Variants in TUBGCP4 observed in about 807,000 individuals in gnomAD.
The protein encoded by TUBGCP4 is tubulin gamma complex component 4.
TUBGCP4 carries 54 observed loss-of-function variants against 91.6 expected under a neutral mutation model. The observed-to-expected ratio is 0.59, with a 90% confidence interval of 0.47 to 0.74. The LOEUF is 0.74. Ranked by LOEUF, TUBGCP4 falls within the 30% of genes least tolerant of loss-of-function variation. The pLI is 0.00. For synonymous variants in TUBGCP4, 297 were observed against 302.8 expected, an observed-to-expected ratio of 0.98 and a Z score of 0.20; for missense variants, 593 against 800.9, an observed-to-expected ratio of 0.74 and a Z score of 3.13.
rs140669258 is a variant in TUBGCP4 at position 43,390,966 on chromosome 15, C to G, written c.1015-4141C>G. On this transcript the variant is annotated intron_variant, in intron 9 of 17. Transcript: ENST00000564079. ...AAGTAGCTGGGACTAGAGGTGCATG[C>G]CACCATGCCCAGCTAATTCTTTTCT... Among the ~76,000 whole-genome samples the G allele has an allele frequency of 4.0e-3, 613 of 152,210 alleles. 5 individuals are homozygous for G. Among genetic ancestry groups the G allele is most frequent in the African/African-American group, 0.014 (579 of 41,548 alleles).
chr15:43,395,044 C>A, intron 9 of TUBGCP4, 63 bp from the exon 10 acceptor site: 2 of 1,553,940 alleles, frequency 1.3e-6, no homozygotes, highest in South Asian at 2.2e-5. Context: ...TGTATGGAAC[C>A]ATTCTTTGCA....
At chr15:43,376,818 T>C (rs1405770225) in intron 3 of TUBGCP4, among the ~76,000 whole-genome samples, 193 bp downstream of exon 3, 1 of 152,224 alleles carries the variant, frequency 6.6e-6, no homozygotes, top group Admixed American at 6.5e-5. Flanking sequence ...AAAGACTCTT[T>C]AGTGAGTTTA....
At chr15:43,395,990 T>G (rs926876685) in intron 11 of TUBGCP4, among the ~76,000 whole-genome samples, 33 of 152,166 alleles carry the variant, frequency 2.2e-4, no homozygotes, top group African/African-American at 6.5e-4. Flanking sequence ...CTGCTTGTAG[T>G]TTTGCAGTAG....
At chr15:43,388,159 T>C (rs975325416) in intron 9 of TUBGCP4, among the ~76,000 whole-genome samples, 15 of 152,164 alleles carry the variant, frequency 9.9e-5, no homozygotes, top group Non-Finnish European at 1.8e-4. Context: ...CAGGTACTTC[T>C]ATTTAAGCAA....
intron 5 of TUBGCP4, among the ~76,000 whole-genome samples, chr15:43,379,030 G>A (rs575176861): frequency 1.3e-5 from 2 of 152,342 alleles, no homozygotes; most frequent in East Asian, 1.9e-4. Context: ...TTCAACTTCC[G>A]CTGGCTATAG....
intron 7 of TUBGCP4, 145 bp from the exon 8 acceptor site, chr15:43,385,646 G>A (rs2044344847): frequency 1.4e-6 from 1 of 734,802 alleles, no homozygotes; most frequent in Admixed American, 2.8e-5. Context: ...TCTCCAAAAT[G>A]GGTGGTTTGA....
intron 9 of TUBGCP4, among the ~76,000 whole-genome samples, chr15:43,390,001 A>C (rs1285969080): frequency 2.0e-5 from 3 of 152,088 alleles, no homozygotes; most frequent in Non-Finnish European, 2.9e-5. Context: ...CCCATGATTC[A>C]ATCACCTCCC....
intron 9 of TUBGCP4, chr15:43,394,822 T>A (rs1242024815): frequency 2.3e-6 from 1 of 429,958 alleles, no homozygotes; most frequent in Non-Finnish European, 4.3e-6. Flanking sequence ...TGATTGTAAG[T>A]TTCCTGAGGC....
rs558244670 is a variant in TUBGCP4, at chr15:43,371,551, C to T, written c.78+119C>T. On this transcript the variant is annotated intron_variant, in intron 1 of 17. Transcript: ENST00000564079. Reference sequence around the variant, plus strand: ...GGGCTTCCAGGGCTGGGGGCGTATCCCTGGACAGGTGACTGGAGGGCAGCC... The same window carrying T: ...GGGCTTCCAGGGCTGGGGGCGTATCTCTGGACAGGTGACTGGAGGGCAGCC... The T allele has an allele frequency of 2.4e-5, 24 of 997,116 alleles. No homozygotes were observed. In the African/African-American group the frequency reaches 3.3e-4, roughly 14 times the overall value. 61.8% of individuals were successfully genotyped at this position (997,116 alleles called of 1,614,324 possible).
At chr15:43,389,468 T>A (rs2044432587) in intron 9 of TUBGCP4, among the ~76,000 whole-genome samples, 1 of 152,130 alleles carries the variant, frequency 6.6e-6, no homozygotes. Flanking sequence ...CAGGTGGTCC[T>A]TCTGTGAGCC....
intron 1 of TUBGCP4, among the ~76,000 whole-genome samples, chr15:43,374,870 G>A (rs967414175): frequency 6.6e-6 from 1 of 152,220 alleles, no homozygotes; most frequent in African/African-American, 2.4e-5. Context: ...CAACATGGAT[G>A]AGCTGAAATA....
Position 43,409,691 on chromosome 15 carries a change from G to A in TUBGCP4, c.*4477G>A, listed in dbSNP as rs2045047497. The A allele has an allele frequency of 6.3e-7, 1 of 1,575,296 alleles. No individual in the cohort carries two copies. Among genetic ancestry groups the A allele is most frequent in the African/African-American group, 1.4e-5 (1 of 72,414 alleles). On this transcript the variant is annotated 3_prime_UTR_variant, in exon 18 of 18. Coordinates refer to ENST00000564079, the MANE Select transcript of TUBGCP4 (RefSeq NM_014444.5). ...TCAAGGATATAGCCAGCTCCTGCTC[G>A]AAGCTGGGATTCTGTATACTGCTTG...
rs768246847 is a variant in TUBGCP4 at position 43,400,160 on chromosome 15, T to C, written c.1535T>C (p.Ile512Thr). 9 of 1,614,008 alleles carry C rather than the reference T, an allele frequency of 5.6e-6. No homozygotes were observed. The highest frequency in any genetic ancestry group is 7.6e-6 in the Non-Finnish European group (9 of 1,180,042). The change falls in exon 14 of 18, where the codon ATC (isoleucine) becomes ACC (threonine). Residue 512 changes from isoleucine (I) to threonine (T), a missense_variant. Ile to Thr is a moderately conservative substitution (Grantham distance 89). Coordinates refer to ENST00000564079, the MANE Select transcript of TUBGCP4 (RefSeq NM_014444.5). ...CTCAAGTCGAACCAGACTGATGCAA[T>C]CAAGTGGCGCCTAAGAAATCACATG... ...KHLKSNQTDA[I>T]KWRLRNHMAF...
chr15:43,389,245 T>C (rs2044428973), intron 9 of TUBGCP4, among the ~76,000 whole-genome samples: 1 of 152,244 alleles, frequency 6.6e-6, no homozygotes. Flanking sequence ...TTTTACTGCT[T>C]ACATAGAGAA....
chr15:43,376,237 T>C lies in TUBGCP4; in HGVS notation c.207+11T>C. 6.2e-7 allele frequency: 1 copy of C among 1,613,036 alleles called. No homozygotes were observed. The highest frequency in any genetic ancestry group is 8.5e-7 in the Non-Finnish European group (1 of 1,179,632). The stretch of plus-strand genomic sequence containing the variant: ...CATGTGCAACAGCAGGTGGGTCCTG[T>C]TCTCTGTGGGTGTACACCTCTAGAG... On this transcript the variant is annotated intron_variant, in intron 2 of 17. Transcript: ENST00000564079.
At position 43,383,622 on chromosome 15, in the gene TUBGCP4, T is replaced by C. The variant is rs138962565; in HGVS notation, c.723+118T>C. On this transcript the variant is annotated intron_variant, in intron 7 of 17. Transcript: ENST00000564079. ...AGCTGAGCACCTTCCATCAATCCTT[T>C]CGATGTAAACATTCGGCTTTATCTT... The C allele has an allele frequency of 6.7e-5, 53 of 785,504 alleles. No individual in the cohort carries two copies. In the African/African-American group the frequency reaches 8.9e-4, roughly 13 times the overall value. The allele number at this position is 785,504 out of a possible 1,614,324, so 48.7% of individuals were successfully genotyped here.
Position 43,376,500 on chromosome 15 carries a change from C to T in TUBGCP4, c.208-3C>T. 1 of 1,614,148 alleles carries T rather than the reference C, an allele frequency of 6.2e-7. No homozygotes were observed. The highest frequency in any genetic ancestry group is 8.5e-7 in the Non-Finnish European group (1 of 1,180,020). On this transcript the variant is annotated splice_region_variant and splice_polypyrimidine_tract_variant and intron_variant, in intron 2 of 17. Coordinates refer to ENST00000564079, the MANE Select transcript of TUBGCP4 (RefSeq NM_014444.5). ...AAGTTGGCTTCTGTTTGTTTGATTT[C>T]AGGATCACCATCCATCTCAACAGGG...
intron 2 of TUBGCP4, 63 bp downstream of exon 2, chr15:43,376,289 T>G: frequency 6.2e-7 from 1 of 1,609,228 alleles, no homozygotes; most frequent in Non-Finnish European, 8.5e-7. Context: ...AGCTTTCACC[T>G]CTAGAGGGCA....
chr15:43,377,161 T>C, intron 4 of TUBGCP4, 94 bp downstream of exon 4: 1 of 1,036,472 alleles, frequency 9.6e-7, no homozygotes, highest in Non-Finnish European at 1.5e-6. Context: ...TTTTTTCTTC[T>C]GGATTCAGAG....
Sources: gnomAD v4.1 joint callset for allele counts (sites outside exome capture counted in the v4.1 genomes callset) on GRCh38, gnomAD v4.1.1 for gene constraint, MANE v1.5 for transcripts, NCBI Gene and HGNC (gene_info 2026-07-23, HGNC 2026-07-21) for gene names.